The following ADGRB3 variants were observed in gnomAD, a reference collection of about 807,000 sequenced individuals.
ADGRB3 encodes the protein adhesion G protein-coupled receptor B3, also known as brain-specific angiogenesis inhibitor 3.
Under a neutral mutation model 193.4 loss-of-function variants are expected in ADGRB3, and 37 were observed. The ratio of observed to expected loss-of-function variants is 0.19; its 90% CI spans 0.15 to 0.25. The LOEUF (loss-of-function observed/expected upper bound fraction) is 0.25, where lower values mean the gene tolerates loss of function less well. ADGRB3 is among the 10% of genes least tolerant of loss of function. The pLI is 1.00. For missense variants in ADGRB3, 1,637 were observed against 1,852.9 expected (o/e 0.88, Z 2.14); for synonymous variants, 690 against 644.2 (o/e 1.07, Z -1.08).
chr6:68,775,757 C>G (rs1290302947), intron 3 of ADGRB3, among the ~76,000 whole-genome samples: 3 of 152,094 alleles, frequency 2.0e-5, no homozygotes, highest in Non-Finnish European at 4.4e-5. Context: ...AAATTATGAC[C>G]TAGCCATGAG....
rs191853038 is a variant in ADGRB3 at position 69,086,375 on chromosome 6, G to A, written c.2480+10337G>A. On this transcript the variant is annotated intron_variant, in intron 17 of 31. Coordinates refer to ENST00000370598, the MANE Select transcript of ADGRB3 (RefSeq NM_001704.3). The stretch of plus-strand genomic sequence containing the variant: ...TTTTTTGATACTCTTAGTAGAACTG[G>A]GCATTGGCAAGAATTAGGCAAATTT... Among the ~76,000 whole-genome samples the A allele has an allele frequency of 2.6e-3, 398 of 152,106 alleles. 2 individuals are homozygous for A. Among genetic ancestry groups the A allele is most frequent in the Middle Eastern group, 0.02 (6 of 294 alleles).
intron 20 of ADGRB3, among the ~76,000 whole-genome samples, chr6:69,274,559 C>T (rs1767255293): frequency 7.1e-6 from 1 of 141,606 alleles, no homozygotes; most frequent in African/African-American, 2.6e-5. Context: ...TTCCCTCTTC[C>T]TTCCTTGTGT....
chr6:69,082,785 C>T (rs780207275), intron 17 of ADGRB3, among the ~76,000 whole-genome samples: 3 of 151,972 alleles, frequency 2.0e-5, no homozygotes, highest in Non-Finnish European at 2.9e-5. Flanking sequence ...TTATTTCTTC[C>T]AATTCTCACT....
rs1290380941 is a variant in ADGRB3 at position 68,993,795 on chromosome 6, C to T, written c.1762C>T (p.Arg588Ter). The change falls in exon 11 of 32, where the codon CGA becomes TGA. Residue 588 changes from arginine (R) to a stop codon, truncating the protein, a stop_gained. Coordinates refer to ENST00000370598, the MANE Select transcript of ADGRB3 (RefSeq NM_001704.3). LOFTEE classifies it high-confidence loss of function. ...SIKEHLAKGQ[R>*]MLAGDGMSQV... ...TAAAGAGCACCTTGCTAAGGGGCAG[C>T]GAATGCTGGCAGGTGATGGAATGTC... 1 of 1,613,526 alleles carries T rather than the reference C, an allele frequency of 6.2e-7. No homozygotes were observed.
intron 17 of ADGRB3, among the ~76,000 whole-genome samples, chr6:69,126,228 T>TACAC (rs1554149327): frequency 1.5e-5 from 2 of 137,172 alleles, no homozygotes; most frequent in African/African-American, 2.7e-5. Flanking sequence ...GATAAATAGA[T>TACAC]ACACACATAC....
At chr6:68,769,045 G>T (rs959158497) in intron 3 of ADGRB3, among the ~76,000 whole-genome samples, 4 of 152,174 alleles carry the variant, frequency 2.6e-5, no homozygotes, top group Admixed American at 6.6e-5. Context: ...AACAAGAGAT[G>T]CTGGAGAGGA....
chr6:69,069,553 C>CAAAAAAAAA (rs57616226), intron 16 of ADGRB3, among the ~76,000 whole-genome samples: 418 of 31,774 alleles, frequency 0.013, 117 homozygotes, highest in Admixed American at 0.023. Context: ...ACTAAAAATA[C>CAAAAAAAAA]AAAAAAAAAA....
At chr6:68,663,032 A>G (rs186205641) in intron 3 of ADGRB3, among the ~76,000 whole-genome samples, 20 of 151,454 alleles carry the variant, frequency 1.3e-4, no homozygotes, top group Admixed American at 1.1e-3. Context: ...ACAATGTTAT[A>G]TGGAAGTCAG....
intron 3 of ADGRB3, among the ~76,000 whole-genome samples, chr6:68,767,996 C>T (rs989597735): frequency 6.6e-6 from 1 of 152,048 alleles, no homozygotes; most frequent in East Asian, 1.9e-4. Context: ...TGTGAAGGAC[C>T]TCTTCAATAA....
At chr6:68,982,163 A>C (rs542754029) in intron 10 of ADGRB3, among the ~76,000 whole-genome samples, 6 of 152,152 alleles carry the variant, frequency 3.9e-5, no homozygotes, top group African/African-American at 1.4e-4. Flanking sequence ...TTATAACTCT[A>C]AGATCTGCAT....
At chr6:68,812,191 A>G (rs1562039822) in intron 3 of ADGRB3, among the ~76,000 whole-genome samples, 1 of 152,216 alleles carries the variant, frequency 6.6e-6, no homozygotes, top group Non-Finnish European at 1.5e-5. Context: ...TAAGAAGTGT[A>G]TATGTGGGTG....
At chr6:69,214,762 C>T (rs1765740233) in intron 17 of ADGRB3, among the ~76,000 whole-genome samples, 2 of 151,160 alleles carry the variant, frequency 1.3e-5, no homozygotes, top group African/African-American at 4.9e-5. Context: ...GTGGTTTTTA[C>T]CATTAAAAGT....
chr6:68,923,198 A>G (rs909629978), intron 3 of ADGRB3, among the ~76,000 whole-genome samples: 7 of 152,238 alleles, frequency 4.6e-5, no homozygotes, highest in African/African-American at 1.4e-4. Flanking sequence ...TGGTAGATAA[A>G]TGGTAAAACA....
intron 3 of ADGRB3, among the ~76,000 whole-genome samples, chr6:68,922,119 T>A (rs10806607): frequency 0.79 from 119,992 of 152,150 alleles, 48,395 homozygotes; most frequent in Non-Finnish European, 0.88. Flanking sequence ...CATAAGCCTT[T>A]TATATCAGAC....
At chr6:68,915,721 C>T (rs998716895) in intron 3 of ADGRB3, among the ~76,000 whole-genome samples, 1 of 151,322 alleles carries the variant, frequency 6.6e-6, no homozygotes, top group East Asian at 1.9e-4. Context: ...GCCTGGGAAA[C>T]AGTGAGAAGA....
At chr6:68,967,815 CA>C (rs1303120708) in intron 8 of ADGRB3, among the ~76,000 whole-genome samples, 1 of 151,838 alleles carries the variant, frequency 6.6e-6, no homozygotes, top group African/African-American at 2.4e-5. Context: ...GTTTGAGGGG[CA>C]GTCAGTGGGG....
At chr6:69,103,619 T>C (rs1177501863) in intron 17 of ADGRB3, among the ~76,000 whole-genome samples, 2 of 152,024 alleles carry the variant, frequency 1.3e-5, no homozygotes, top group Non-Finnish European at 2.9e-5. Context: ...TTTTAAACTC[T>C]TTCCTGTGGC....
intron 17 of ADGRB3, among the ~76,000 whole-genome samples, chr6:69,172,486 A>T (rs1252049784): frequency 6.7e-6 from 1 of 150,184 alleles, no homozygotes; most frequent in African/African-American, 2.4e-5. Flanking sequence ...TACTAAAAAT[A>T]AAAAAAAATT....
intron 3 of ADGRB3, among the ~76,000 whole-genome samples, chr6:68,812,870 T>C (rs1767543732): frequency 7.6e-6 from 1 of 131,204 alleles, no homozygotes; most frequent in Admixed American, 8.4e-5. Flanking sequence ...TTCCCCTCCC[T>C]GTGTCCATGT....
Sources: gnomAD v4.1 joint callset for allele counts (sites outside exome capture counted in the v4.1 genomes callset) on GRCh38, gnomAD v4.1.1 for gene constraint, MANE v1.5 for transcripts, NCBI Gene and HGNC (gene_info 2026-07-23, HGNC 2026-07-21) for gene names.